Variants in CCBE1 observed in about 807,000 individuals in gnomAD.
CCBE1 encodes collagen and calcium binding EGF domains 1, also known as collagen and calcium-binding EGF domain-containing protein 1.
CCBE1 carries 37 observed loss-of-function variants against 50.0 expected under a neutral mutation model. The ratio of observed to expected loss-of-function variants is 0.74; its 90% CI spans 0.57 to 0.97. CCBE1 has a LOEUF of 0.97. CCBE1 is among the 50% of genes least tolerant of loss of function. The pLI is 0.00. For synonymous variants in CCBE1, 234 were observed against 203.7 expected (o/e 1.15, Z -1.27); for missense variants, 538 against 523.8 (o/e 1.03, Z -0.26).
intron 2 of CCBE1, among the ~76,000 whole-genome samples, chr18:59,619,817 C>G (rs1404547491): frequency 6.6e-6 from 1 of 152,130 alleles, no homozygotes; most frequent in African/African-American, 2.4e-5. Flanking sequence ...GTAAAGAGGT[C>G]TTAAACTATT....
At chr18:59,658,642 G>A (rs1454556568) in intron 2 of CCBE1, among the ~76,000 whole-genome samples, 1 of 150,350 alleles carries the variant, frequency 6.7e-6, no homozygotes, top group Non-Finnish European at 1.5e-5. Flanking sequence ...AGCACTTTGG[G>A]AGGCCGAGGC....
At chr18:59,551,176 A>G (rs79670231) in intron 2 of CCBE1, among the ~76,000 whole-genome samples, 3,843 of 152,276 alleles carry the variant, frequency 0.025, 187 homozygotes, top group African/African-American at 0.088. Context: ...ATAGCCTGCT[A>G]TACATGTAGG....
At chr18:59,671,812 T>TAA (rs60518510) in intron 2 of CCBE1, among the ~76,000 whole-genome samples, 21 of 132,084 alleles carry the variant, frequency 1.6e-4, no homozygotes, top group African/African-American at 4.5e-4. Flanking sequence ...GTGGGAAGGT[T>TAA]AAAAAAAAAG....
At chr18:59,554,964 T>G (rs745515789) in intron 2 of CCBE1, among the ~76,000 whole-genome samples, 7 of 152,236 alleles carry the variant, frequency 4.6e-5, no homozygotes, top group Non-Finnish European at 8.8e-5. Context: ...GCAGCAGACC[T>G]GAAGTAAGCC....
At chr18:59,466,273 A>G (rs1911736086) in intron 5 of CCBE1, among the ~76,000 whole-genome samples, 1 of 151,896 alleles carries the variant, frequency 6.6e-6, no homozygotes. Flanking sequence ...TTCCCATGCT[A>G]TTCTCATGAC....
chr18:59,693,864 CTTTTTT>C (rs11410421), intron 2 of CCBE1, among the ~76,000 whole-genome samples: 13 of 70,770 alleles, frequency 1.8e-4, no homozygotes, highest in African/African-American at 5.6e-4. Context: ...AAAGGAAAGC[CTTTTTT>C]TTTTTTTTTT....
At chr18:59,460,700 G>C (rs1386558946) in intron 5 of CCBE1, among the ~76,000 whole-genome samples, 1 of 152,208 alleles carries the variant, frequency 6.6e-6, no homozygotes, top group East Asian at 1.9e-4. Flanking sequence ...GGGAGGTCAA[G>C]GCAGGCAGAT....
chr18:59,590,343 A>G (rs1568222469), intron 2 of CCBE1, among the ~76,000 whole-genome samples: 1 of 152,246 alleles, frequency 6.6e-6, no homozygotes, highest in Non-Finnish European at 1.5e-5. Flanking sequence ...AAAAACATAA[A>G]TGAAGAATGT....
chr18:59,435,703 C>A lies in CCBE1; in HGVS notation c.*205G>T. 1.6e-6 allele frequency: 1 copy of A among 622,508 alleles called. No individual in the cohort carries two copies. The highest frequency in any genetic ancestry group is 2.7e-5 in the East Asian group (1 of 36,924). The allele number at this position is 622,508 out of a possible 1,614,324, so 38.6% of individuals were successfully genotyped here. ...CTTAGTGAGAAGCAGGTAAATCAATCATTCACTCCCTCATGTCTGCAGGCC... is the reference window on the plus strand; with the variant it reads ...CTTAGTGAGAAGCAGGTAAATCAATAATTCACTCCCTCATGTCTGCAGGCC... On this transcript the variant is annotated 3_prime_UTR_variant, in exon 11 of 11. Transcript: ENST00000439986.
intron 2 of CCBE1, among the ~76,000 whole-genome samples, chr18:59,512,846 T>A (rs1006494227): frequency 6.6e-6 from 1 of 152,110 alleles, no homozygotes; most frequent in African/African-American, 2.4e-5. Flanking sequence ...TGTGGGAACA[T>A]CAGCACCCCT....
chr18:59,447,615 T>C (rs1162433568), intron 7 of CCBE1, among the ~76,000 whole-genome samples: 2 of 152,056 alleles, frequency 1.3e-5, no homozygotes, highest in Non-Finnish European at 2.9e-5. Flanking sequence ...TAGAATTGGG[T>C]GAGGAGCCCC....
At chr18:59,544,873 C>T (rs748649925) in intron 2 of CCBE1, among the ~76,000 whole-genome samples, 3 of 152,262 alleles carry the variant, frequency 2.0e-5, no homozygotes, top group African/African-American at 7.2e-5. Context: ...TAGTTGATAA[C>T]GAATTGGAAC....
At chr18:59,691,026 G>A (rs2054723708) in intron 2 of CCBE1, among the ~76,000 whole-genome samples, 1 of 152,224 alleles carries the variant, frequency 6.6e-6, no homozygotes, top group South Asian at 2.1e-4. Flanking sequence ...GCTTCTCAGA[G>A]GTCCAGTTAA....
intron 3 of CCBE1, among the ~76,000 whole-genome samples, chr18:59,473,457 A>G (rs1442110682): frequency 3.3e-5 from 5 of 152,186 alleles, no homozygotes; most frequent in Non-Finnish European, 7.3e-5. Context: ...CTGGAAATTA[A>G]TATCCTTCAA....
rs1440098121 is a variant in CCBE1 at position 59,526,947 on chromosome 18, A to G, written c.213-46709T>C. On this transcript the variant is annotated intron_variant, in intron 2 of 10. Transcript: ENST00000439986. ...TTCTGATTATGTGATCAATTTTAGAATAAGTACCAAGTGGTGCTAAGAAGA... is the reference window on the plus strand; with the variant it reads ...TTCTGATTATGTGATCAATTTTAGAGTAAGTACCAAGTGGTGCTAAGAAGA... Among the ~76,000 whole-genome samples the G allele has an allele frequency of 2.6e-5, 4 of 152,000 alleles. No individual in the cohort carries two copies. In the South Asian group the frequency reaches 8.3e-4, roughly 31 times the overall value.
intron 2 of CCBE1, among the ~76,000 whole-genome samples, chr18:59,562,877 C>T (rs745312130): frequency 1.3e-4 from 16 of 123,870 alleles, no homozygotes; most frequent in South Asian, 2.9e-4. Flanking sequence ...GTGGCCAGGC[C>T]GCCTTAGAGG....
chr18:59,436,734 C>T (rs983321151), intron 10 of CCBE1, among the ~76,000 whole-genome samples: 2 of 152,080 alleles, frequency 1.3e-5, no homozygotes, highest in East Asian at 1.9e-4. Context: ...TTTGGGAGGC[C>T]GAGGTGGATG....
At chr18:59,577,018 A>G (rs988020036) in intron 2 of CCBE1, among the ~76,000 whole-genome samples, 1 of 152,244 alleles carries the variant, frequency 6.6e-6, no homozygotes, top group African/African-American at 2.4e-5. Context: ...GCTAAAGGCC[A>G]GCTGGCTGGC....
intron 2 of CCBE1, among the ~76,000 whole-genome samples, chr18:59,592,764 G>T (rs1345894881): frequency 6.6e-6 from 1 of 152,088 alleles, no homozygotes; most frequent in Non-Finnish European, 1.5e-5. Context: ...GTTTAGTTTT[G>T]CCTTCTGGAA....
Sources: allele counts gnomAD v4.1 joint callset (sites outside exome capture counted in the v4.1 genomes callset), GRCh38; gene constraint gnomAD v4.1.1; transcripts MANE v1.5; gene names NCBI Gene and HGNC (gene_info 2026-07-23, HGNC 2026-07-21).